CADM2: variants seen among roughly 807,000 people sequenced by gnomAD.
CADM2 encodes cell adhesion molecule 2, also known as immunoglobulin superfamily member 4D.
CADM2 carries 12 observed loss-of-function variants against 49.8 expected under a neutral mutation model. The observed-to-expected ratio is 0.24, with a 90% CI of 0.15 to 0.39. The LOEUF (loss-of-function observed/expected upper bound fraction) is 0.39, where lower values mean the gene tolerates loss of function less well. CADM2 is among the 10% of genes least tolerant of loss of function. CADM2 has a pLI of 1.00. For synonymous variants in CADM2, 214 were observed against 175.4 expected (o/e 1.22, Z -1.74); for missense variants, 378 against 492.3 (o/e 0.77, Z 2.20).
chr3:85,958,618 G>A (rs971723111), intron 7 of CADM2, among the ~76,000 whole-genome samples: 1 of 151,816 alleles, frequency 6.6e-6, no homozygotes, highest in Non-Finnish European at 1.5e-5. Context: ...TTGCAGCACT[G>A]TTTACAATAG....
At chr3:85,790,747 C>G (rs1475340727) in intron 2 of CADM2, among the ~76,000 whole-genome samples, 1 of 152,180 alleles carries the variant, frequency 6.6e-6, no homozygotes, top group Admixed American at 6.5e-5. Flanking sequence ...GGCGAAAGCC[C>G]TTCCAACCTT....
intron 7 of CADM2, 146 bp downstream of exon 7, chr3:85,936,003 T>A: frequency 2.0e-6 from 1 of 493,426 alleles, no homozygotes. Context: ...ATGAACCATG[T>A]CTTCATTAAG....
chr3:85,820,649 G>T (rs1275686670), intron 3 of CADM2, among the ~76,000 whole-genome samples: 2 of 152,094 alleles, frequency 1.3e-5, no homozygotes, highest in African/African-American at 4.8e-5. Context: ...TTGTGGGAAG[G>T]TTTGGATTTG....
At chr3:85,974,803 A>G (rs183028779) in intron 8 of CADM2, among the ~76,000 whole-genome samples, 2 of 151,762 alleles carry the variant, frequency 1.3e-5, no homozygotes, top group Admixed American at 1.3e-4. Flanking sequence ...AAATTGTTCT[A>G]TTGACTTGAT....
chr3:84,982,702 CATATATATATATATATAT>C (rs71104999), intron 1 of CADM2, among the ~76,000 whole-genome samples: 35 of 76,314 alleles, frequency 4.6e-4, no homozygotes, highest in Non-Finnish European at 6.4e-4. Context: ...AACTATAAAG[CATATATATATATATATAT>C]ATATATATAT....
intron 1 of CADM2, among the ~76,000 whole-genome samples, chr3:85,047,015 A>T (rs1400016252): frequency 6.6e-6 from 1 of 152,152 alleles, no homozygotes; most frequent in Non-Finnish European, 1.5e-5. Context: ...CTGCAGATGT[A>T]TTTTTATAAG....
chr3:85,152,101 TCTC>T (rs1209032627), intron 1 of CADM2, among the ~76,000 whole-genome samples: 2 of 152,188 alleles, frequency 1.3e-5, no homozygotes, highest in Admixed American at 6.5e-5. Flanking sequence ...TTTTCTCTCT[TCTC>T]CTAAAGAGAG....
intron 1 of CADM2, among the ~76,000 whole-genome samples, chr3:85,720,974 A>G (rs1292547243): frequency 6.6e-6 from 1 of 152,224 alleles, no homozygotes; most frequent in Non-Finnish European, 1.5e-5. Context: ...GCTGTGTTAT[A>G]TAATAGCTAA....
At chr3:85,410,445 G>T (rs528180525) in intron 1 of CADM2, among the ~76,000 whole-genome samples, 2 of 151,890 alleles carry the variant, frequency 1.3e-5, no homozygotes, top group East Asian at 3.9e-4. Context: ...GATTTTTCTC[G>T]TGCAGCTCAT....
intron 1 of CADM2, among the ~76,000 whole-genome samples, chr3:85,297,402 A>G (rs1394604798): frequency 6.6e-6 from 1 of 152,044 alleles, no homozygotes; most frequent in East Asian, 1.9e-4. Flanking sequence ...GAGATGGGGG[A>G]AAACAACAGG....
At chr3:86,037,670 A>G (rs1735336274) in intron 8 of CADM2, among the ~76,000 whole-genome samples, 1 of 151,938 alleles carries the variant, frequency 6.6e-6, no homozygotes, top group Non-Finnish European at 1.5e-5. Context: ...ATTTATTTTA[A>G]GTATTTATTG....
chr3:85,932,229 T>C (rs907536977), intron 6 of CADM2, among the ~76,000 whole-genome samples: 27 of 152,096 alleles, frequency 1.8e-4, no homozygotes, highest in Non-Finnish European at 4.0e-4. Context: ...ATCGGGTGTA[T>C]GTCACTGCGT....
chr3:85,102,374 T>G (rs547613076), intron 1 of CADM2, among the ~76,000 whole-genome samples: 1 of 152,326 alleles, frequency 6.6e-6, no homozygotes, highest in East Asian at 1.9e-4. Context: ...TTAAAACATT[T>G]GATAGTTTAC....
intron 2 of CADM2, chr3:85,801,042 C>G (rs1255835627): frequency 3.3e-5 from 5 of 152,130 alleles, no homozygotes; most frequent in African/African-American, 9.7e-5. Flanking sequence ...TAATGAACTC[C>G]CTTGCTTACA....
intron 3 of CADM2, among the ~76,000 whole-genome samples, chr3:85,825,880 A>G (rs572631899): frequency 6.6e-6 from 1 of 152,054 alleles, no homozygotes; most frequent in Non-Finnish European, 1.5e-5. Context: ...GTTTTCAAAT[A>G]CTAGGTCAGG....
intron 3 of CADM2, among the ~76,000 whole-genome samples, chr3:85,806,398 TGGA>T (rs1034702159): frequency 2.5e-4 from 38 of 152,252 alleles, no homozygotes; most frequent in African/African-American, 8.9e-4. Context: ...TCATGCTACC[TGGA>T]GGTGTAAGTT....
At position 85,318,886 on chromosome 3, in the gene CADM2, T is replaced by G. The variant is rs780587354; in HGVS notation, c.61+359218T>G. Reference sequence around the variant, plus strand: ...TCTAATAATGTGATATGATTTAATATTTTATTTCATTCACCCTGATGAATA... The same window carrying G: ...TCTAATAATGTGATATGATTTAATAGTTTATTTCATTCACCCTGATGAATA... On this transcript the variant is annotated intron_variant, in intron 1 of 9. Transcript: ENST00000383699. Among the ~76,000 whole-genome samples, 6 of 152,180 alleles carry G rather than the reference T, an allele frequency of 3.9e-5. No homozygotes were observed. The East Asian group carries it at 1.2e-3, about 29-fold the overall frequency.
At chr3:85,933,564 GTACA>G (rs941517610) in intron 6 of CADM2, among the ~76,000 whole-genome samples, 117 of 152,200 alleles carry the variant, frequency 7.7e-4, no homozygotes, top group African/African-American at 2.6e-3. Flanking sequence ...CCAATAGGCT[GTACA>G]TACATATAAA....
intron 8 of CADM2, among the ~76,000 whole-genome samples, chr3:86,018,501 A>C (rs1254161429): frequency 2.4e-4 from 36 of 152,150 alleles, no homozygotes; most frequent in East Asian, 5.8e-4. Context: ...CCAACAGTGT[A>C]AAAGTGTTCA....
Sources: gnomAD v4.1 joint callset for allele counts (sites outside exome capture counted in the v4.1 genomes callset) on GRCh38, gnomAD v4.1.1 for gene constraint, MANE v1.5 for transcripts, NCBI Gene and HGNC (gene_info 2026-07-23, HGNC 2026-07-21) for gene names.